The following RBFOX1 variants were observed in gnomAD, a reference collection of about 807,000 sequenced individuals.
RBFOX1 encodes the protein RNA binding fox-1 homolog 1, also known as RNA binding protein fox-1 homolog 1.
RBFOX1 carries 8 observed loss-of-function variants against 57.7 expected under a neutral mutation model. That is an observed-to-expected ratio of 0.14 (90% CI 0.08 to 0.25). The LOEUF (loss-of-function observed/expected upper bound fraction) is 0.25. RBFOX1 is among the 10% of genes least tolerant of loss of function. The probability of loss-of-function intolerance (pLI) is 1.00; values close to 1 mark genes in which losing one functional copy is unlikely to be tolerated. For missense variants in RBFOX1, 611 were observed against 548.5 expected (o/e 1.11, Z -1.14); for synonymous variants, 326 against 222.4 (o/e 1.47, Z -4.15).
At chr16:5,864,792 G>C (rs1447719819) in intron 3 of RBFOX1, among the ~76,000 whole-genome samples, 1 of 152,074 alleles carries the variant, frequency 6.6e-6, no homozygotes, top group Non-Finnish European at 1.5e-5. Flanking sequence ...TTTTGCCTGG[G>C]AAAAACTGAA....
At chr16:7,437,982 A>G (rs1567167024) in intron 4 of RBFOX1, among the ~76,000 whole-genome samples, 1 of 151,790 alleles carries the variant, frequency 6.6e-6, no homozygotes, top group Non-Finnish European at 1.5e-5. Context: ...AGCTTTTAGG[A>G]TGCACTTTAG....
At chr16:6,363,123 C>G (rs1178845260) in intron 2 of RBFOX1, among the ~76,000 whole-genome samples, 2 of 152,186 alleles carry the variant, frequency 1.3e-5, no homozygotes, top group African/African-American at 4.8e-5. Flanking sequence ...CTAGAGTTGT[C>G]TCTGCCTCAT....
intron 4 of RBFOX1, among the ~76,000 whole-genome samples, chr16:7,501,745 A>G (rs1001575612): frequency 1.3e-5 from 2 of 152,194 alleles, no homozygotes; most frequent in Non-Finnish European, 2.9e-5. Flanking sequence ...CAAGAACATC[A>G]GGTTAGACAT....
chr16:5,433,796 T>G (rs1219235549), intron 1 of RBFOX1, among the ~76,000 whole-genome samples: 2 of 152,112 alleles, frequency 1.3e-5, no homozygotes, highest in African/African-American at 4.8e-5. Flanking sequence ...CACCGCTGCT[T>G]CCCCAGCATC....
exon 3 of RBFOX1, chr16:5,599,263 T>G (rs1411112112): frequency 6.0e-6 from 4 of 668,412 alleles, no homozygotes. Context: ...GGCTGCAAAT[T>G]GGTCCCTCTG....
intron 1 of RBFOX1, among the ~76,000 whole-genome samples, chr16:6,135,706 G>A (rs2096661594): frequency 6.6e-6 from 1 of 151,886 alleles, no homozygotes; most frequent in Non-Finnish European, 1.5e-5. Context: ...AATAAAAAGT[G>A]GGAGTAGATT....
chr16:7,547,397 G>T (rs1357981977), intron 5 of RBFOX1, among the ~76,000 whole-genome samples: 1 of 152,218 alleles, frequency 6.6e-6, no homozygotes, highest in East Asian at 1.9e-4. Context: ...AATTTATTAA[G>T]TGAGCACCTT....
At chr16:7,235,831 C>G (rs748681996) in intron 4 of RBFOX1, among the ~76,000 whole-genome samples, 1 of 152,166 alleles carries the variant, frequency 6.6e-6, no homozygotes, top group Non-Finnish European at 1.5e-5. Flanking sequence ...TCTGACAATT[C>G]CAGTTTTTAC....
At chr16:5,701,280 A>G (rs1299251013) in intron 3 of RBFOX1, among the ~76,000 whole-genome samples, 2 of 152,254 alleles carry the variant, frequency 1.3e-5, no homozygotes, top group African/African-American at 2.4e-5. Flanking sequence ...ATAACAGGTT[A>G]TGAAGACCTT....
chr16:6,254,003 T>A (rs781261503), intron 1 of RBFOX1, among the ~76,000 whole-genome samples: 1 of 152,148 alleles, frequency 6.6e-6, no homozygotes, highest in Non-Finnish European at 1.5e-5. Context: ...AAAGGTTCCA[T>A]GACAAACATA....
At chr16:6,643,368 T>C (rs1602470453) in intron 2 of RBFOX1, among the ~76,000 whole-genome samples, 1 of 151,940 alleles carries the variant, frequency 6.6e-6, no homozygotes, top group African/African-American at 2.4e-5. Flanking sequence ...TTTTATACTA[T>C]TCTTCATGTA....
At chr16:5,664,564 C>T (rs755540707) in intron 3 of RBFOX1, among the ~76,000 whole-genome samples, 2 of 152,032 alleles carry the variant, frequency 1.3e-5, no homozygotes, top group Admixed American at 6.6e-5. Flanking sequence ...AAAGTGGATT[C>T]CTGTTCCTGC....
intron 4 of RBFOX1, among the ~76,000 whole-genome samples, chr16:7,375,016 G>T (rs374790426): frequency 5.3e-5 from 8 of 152,162 alleles, no homozygotes; most frequent in Admixed American, 3.9e-4. Context: ...GATATTCTCC[G>T]TTTATGCCCA....
chr16:5,811,569 G>C (rs1294488764), intron 3 of RBFOX1, among the ~76,000 whole-genome samples: 2 of 151,796 alleles, frequency 1.3e-5, no homozygotes, highest in East Asian at 1.9e-4. Context: ...TCCTGCCTCA[G>C]CCTCCTGAGT....
chr16:5,895,053 G>C (rs759653363), intron 4 of RBFOX1, among the ~76,000 whole-genome samples: 4 of 151,584 alleles, frequency 2.6e-5, no homozygotes, highest in Non-Finnish European at 4.4e-5. Flanking sequence ...TTTACAGAAG[G>C]GGGTATTACA....
At chr16:5,861,453 A>C (rs1052866684) in intron 3 of RBFOX1, among the ~76,000 whole-genome samples, 2 of 152,244 alleles carry the variant, frequency 1.3e-5, no homozygotes, top group African/African-American at 4.8e-5. Context: ...TAAGCGTAGC[A>C]GAGCCTCTTT....
At chr16:7,151,264 C>T (rs1204641364) in intron 4 of RBFOX1, among the ~76,000 whole-genome samples, 1 of 152,200 alleles carries the variant, frequency 6.6e-6, no homozygotes, top group East Asian at 1.9e-4. Context: ...TTCTTGCCTT[C>T]ACTTGGATTC....
chr16:7,029,059 T>TATATAC (rs1555788020), intron 3 of RBFOX1, among the ~76,000 whole-genome samples: 5,059 of 30,168 alleles, frequency 0.17, 592 homozygotes, highest in Non-Finnish European at 0.2. Flanking sequence ...TATATATATA[T>TATATAC]ATATATATAT....
chr16:7,265,044 T>G (rs1444067578), intron 4 of RBFOX1, among the ~76,000 whole-genome samples: 2 of 152,238 alleles, frequency 1.3e-5, no homozygotes, highest in African/African-American at 4.8e-5. Flanking sequence ...AGTCCCATTC[T>G]TTTTGTCTTG....
Sources: gnomAD v4.1 joint callset for allele counts (sites outside exome capture counted in the v4.1 genomes callset) on GRCh38, gnomAD v4.1.1 for gene constraint, MANE v1.5 for transcripts, NCBI Gene and HGNC (gene_info 2026-07-23, HGNC 2026-07-21) for gene names.